Variants in SNX24 observed in about 807,000 individuals in gnomAD.
The protein encoded by SNX24 is sorting nexin 24.
SNX24 carries 22 observed loss-of-function variants against 28.7 expected under a neutral mutation model. The ratio of observed to expected loss-of-function variants is 0.77; its 90% CI spans 0.55 to 1.10. The LOEUF is 1.10. SNX24 is among the 50% of genes least tolerant of loss of function. The pLI is 0.00. For missense variants in SNX24, 221 were observed against 201.1 expected (o/e 1.10, Z -0.60); for synonymous variants, 69 against 71.5 (o/e 0.96, Z 0.18).
At chr5:122,914,957 G>C (rs1027930896) in intron 1 of SNX24, among the ~76,000 whole-genome samples, 1 of 152,102 alleles carries the variant, frequency 6.6e-6, no homozygotes, top group African/African-American at 2.4e-5. Context: ...CTTTTCCTTA[G>C]GTCCAGTTGA....
chr5:122,875,609 C>T lies in SNX24; in HGVS notation c.60+29916C>T, dbSNP rs111508887. 7.8e-3 allele frequency among the ~76,000 whole-genome samples: 1,187 copies of T among 152,286 alleles called. 9 individuals carry two copies. The highest frequency in any genetic ancestry group is 0.012 in the Non-Finnish European group (799 of 68,028). On this transcript the variant is annotated intron_variant, in intron 1 of 6. Transcript: ENST00000261369. ...AATGGAGATAATAAATGAAAAGTTC[C>T]TAGCACAGTGCAAGGCACGTATCAA...
At chr5:122,946,936 C>G (rs1020875503) in intron 3 of SNX24, among the ~76,000 whole-genome samples, 1 of 152,184 alleles carries the variant, frequency 6.6e-6, no homozygotes, top group Non-Finnish European at 1.5e-5. Context: ...TGCCACTAAC[C>G]CATCTTGGTA....
At chr5:122,986,922 C>G (rs967571549) in intron 3 of SNX24, among the ~76,000 whole-genome samples, 3 of 151,712 alleles carry the variant, frequency 2.0e-5, no homozygotes, top group Admixed American at 1.3e-4. Flanking sequence ...GAAAGAAGAG[C>G]AAAATAACTA....
At position 123,002,031 on chromosome 5, in the gene SNX24, G is replaced by C. The variant is rs777830373; in HGVS notation, c.442+27G>C. On this transcript the variant is annotated intron_variant, in intron 6 of 6. Transcript: ENST00000261369. ...TAATCAAACCTGTCATCTGCTAACAGCTCTTTACTGATCTGACCCTGCACC... is the reference window on the plus strand; with the variant it reads ...TAATCAAACCTGTCATCTGCTAACACCTCTTTACTGATCTGACCCTGCACC... 4 of 1,575,716 alleles carry C rather than the reference G, an allele frequency of 2.5e-6. No homozygotes were observed. In the East Asian group the frequency reaches 9.0e-5, roughly 35 times the overall value.
chr5:122,970,555 G>A (rs574652442), intron 3 of SNX24, among the ~76,000 whole-genome samples: 4 of 152,212 alleles, frequency 2.6e-5, no homozygotes, highest in East Asian at 1.9e-4. Flanking sequence ...TGCAAGCCCC[G>A]CCACCAGGGT....
At chr5:122,916,522 C>T (rs1000017676) in intron 1 of SNX24, among the ~76,000 whole-genome samples, 2 of 152,034 alleles carry the variant, frequency 1.3e-5, no homozygotes, top group African/African-American at 4.8e-5. Context: ...ATCTTAGATG[C>T]TTTTATTCTG....
At chr5:122,912,865 C>T (rs1025495940) in intron 1 of SNX24, among the ~76,000 whole-genome samples, 6 of 151,648 alleles carry the variant, frequency 4.0e-5, no homozygotes, top group Admixed American at 1.3e-4. Flanking sequence ...TTTTCCTAGG[C>T]AGAGGACCCT....
intron 6 of SNX24, among the ~76,000 whole-genome samples, chr5:123,003,436 C>G (rs75480515): frequency 0.026 from 4,030 of 152,216 alleles, 143 homozygotes; most frequent in African/African-American, 0.071. Context: ...ATAATGCAAT[C>G]TAATATAGAT....
At chr5:122,970,667 A>G (rs184104837) in intron 3 of SNX24, among the ~76,000 whole-genome samples, 2 of 152,212 alleles carry the variant, frequency 1.3e-5, no homozygotes, top group East Asian at 1.9e-4. Flanking sequence ...ACAGGGTTTC[A>G]CCGTGTTAGC....
At chr5:122,936,493 G>A (rs1006380689) in intron 1 of SNX24, among the ~76,000 whole-genome samples, 5 of 151,748 alleles carry the variant, frequency 3.3e-5, no homozygotes, top group African/African-American at 9.7e-5. Context: ...TTTTTTTTAT[G>A]CATTTAAGTT....
intron 1 of SNX24, among the ~76,000 whole-genome samples, chr5:122,875,910 G>C (rs1024228411): frequency 5.9e-5 from 9 of 152,174 alleles, no homozygotes; most frequent in African/African-American, 2.2e-4. Flanking sequence ...TGCCTCAGCC[G>C]CCCAAGTGGC....
intron 1 of SNX24, among the ~76,000 whole-genome samples, chr5:122,860,596 T>A (rs1755414209): frequency 6.6e-6 from 1 of 152,168 alleles, no homozygotes; most frequent in Non-Finnish European, 1.5e-5. Flanking sequence ...GTGAAATAAT[T>A]TTTTTATTGT....
chr5:122,872,517 G>A (rs79230599), intron 1 of SNX24, among the ~76,000 whole-genome samples: 23,207 of 151,880 alleles, frequency 0.15, 2,153 homozygotes, highest in East Asian at 0.36. Context: ...AGGACTCCAC[G>A]ATGATATGAA....
chr5:122,972,862 T>C (rs1489767784), intron 3 of SNX24, among the ~76,000 whole-genome samples: 2 of 152,206 alleles, frequency 1.3e-5, no homozygotes, highest in Admixed American at 1.3e-4. Context: ...GGCTCAGTGA[T>C]AGTCTCTGCT....
intron 1 of SNX24, among the ~76,000 whole-genome samples, chr5:122,852,606 G>A (rs1424039673): frequency 6.6e-6 from 1 of 152,096 alleles, no homozygotes; most frequent in Non-Finnish European, 1.5e-5. Context: ...GCCTCTGAAA[G>A]TGCTGGGATT....
intron 2 of SNX24, among the ~76,000 whole-genome samples, chr5:122,943,140 T>C (rs1759533627): frequency 6.6e-6 from 1 of 152,172 alleles, no homozygotes; most frequent in South Asian, 2.1e-4. Context: ...TAAATATGTA[T>C]TTATTCCCCT....
intron 1 of SNX24, among the ~76,000 whole-genome samples, chr5:122,859,642 C>A (rs1424201829): frequency 3.9e-5 from 6 of 152,062 alleles, no homozygotes; most frequent in African/African-American, 1.2e-4. Context: ...AAGAGTTGAA[C>A]TCTGTAAAAT....
chr5:122,880,809 C>A (rs1254017244), intron 1 of SNX24, among the ~76,000 whole-genome samples: 1 of 152,108 alleles, frequency 6.6e-6, no homozygotes, highest in Non-Finnish European at 1.5e-5. Flanking sequence ...CCAGGTGATT[C>A]AAATCTGGGA....
At chr5:122,862,426 T>C (rs1220916271) in intron 1 of SNX24, among the ~76,000 whole-genome samples, 1 of 151,826 alleles carries the variant, frequency 6.6e-6, no homozygotes, top group East Asian at 1.9e-4. Context: ...CCATCCTGGC[T>C]AACAAGGTGA....
Sources: gnomAD v4.1 joint callset for allele counts (sites outside exome capture counted in the v4.1 genomes callset) on GRCh38, gnomAD v4.1.1 for gene constraint, MANE v1.5 for transcripts, NCBI Gene and HGNC (gene_info 2026-07-23, HGNC 2026-07-21) for gene names.